EYS: variants seen among roughly 807,000 people sequenced by gnomAD.
EYS encodes the protein EGF-like photoreceptor maintenance factor.
In EYS, 250 loss-of-function variants were observed where a neutral mutation model predicts 282.1. The observed-to-expected ratio is 0.89, with a 90% confidence interval of 0.80 to 0.98. The LOEUF is 0.98. Among genes scored for constraint, EYS ranks in the 50% least tolerant of loss-of-function variants. The probability of loss-of-function intolerance (pLI) is 0.00; values close to 1 mark genes in which losing one functional copy is unlikely to be tolerated. For missense variants in EYS, 4,016 were observed against 3,709.0 expected (o/e 1.08, Z -2.15); for synonymous variants, 1,355 against 1,282.9 (o/e 1.06, Z -1.20).
intron 26 of EYS, among the ~76,000 whole-genome samples, chr6:64,560,723 T>C (rs934438333): frequency 1.3e-5 from 2 of 152,104 alleles, no homozygotes; most frequent in African/African-American, 4.8e-5. Flanking sequence ...AAAATAAAGT[T>C]TGTTATATAA....
In EYS at chr6:63,759,338, G is replaced by A. The variant is rs1426276588; in HGVS notation, c.8071+3123C>T. Among the ~76,000 whole-genome samples the A allele has an allele frequency of 3.9e-5, 6 of 152,168 alleles. No individual in the cohort carries two copies. The South Asian group carries it at 1.0e-3, about 26-fold the overall frequency. ...GTTAAGTTACTTGCCCAATGTCTAA[G>A]GTTAGAAATGGAAGTTGTGTCTGTT... is the stretch of plus-strand genomic sequence containing the variant. On this transcript the variant is annotated intron_variant, in intron 41 of 42. Transcript: ENST00000503581.
chr6:64,409,733 T>TTTTTGTTTTG (rs1773825671), intron 28 of EYS, among the ~76,000 whole-genome samples: 1 of 152,178 alleles, frequency 6.6e-6, no homozygotes, highest in Admixed American at 6.6e-5. Context: ...AGATACATGG[T>TTTTTGTTTTG]TTTTGTTCAG....
intron 29 of EYS, among the ~76,000 whole-genome samples, chr6:64,348,712 T>C (rs2150401730): frequency 6.6e-6 from 1 of 151,648 alleles, no homozygotes; most frequent in East Asian, 2.0e-4. Flanking sequence ...AGTTCCTTTA[T>C]ATTTTAGAAA....
chr6:65,032,420 G>C (rs573031993), intron 13 of EYS, among the ~76,000 whole-genome samples: 1 of 152,172 alleles, frequency 6.6e-6, no homozygotes, highest in Non-Finnish European at 1.5e-5. Flanking sequence ...GATCATGGGG[G>C]CAGGTCCCTC....
At chr6:65,092,776 C>T (rs1424460106) in intron 12 of EYS, among the ~76,000 whole-genome samples, 2 of 152,226 alleles carry the variant, frequency 1.3e-5, no homozygotes, top group African/African-American at 4.8e-5. Context: ...TGCAATTGTG[C>T]AGTCACAAGT....
In EYS at chr6:64,440,597, C is replaced by T. The variant is rs181761335; in HGVS notation, c.5645-1245G>A. Among the ~76,000 whole-genome samples the T allele has an allele frequency of 6.6e-5, 10 of 152,052 alleles. No individual in the cohort carries two copies. The East Asian group carries it at 1.2e-3, about 18-fold the overall frequency. On this transcript the variant is annotated intron_variant, in intron 26 of 42. Transcript: ENST00000503581. ...TTTTTCAGTTGTTAAATGATAGGGA[C>T]GTATTTTTTTTCCCCATGTAGCGTT...
intron 28 of EYS, among the ~76,000 whole-genome samples, chr6:64,397,650 T>C (rs1460682326): frequency 6.6e-6 from 1 of 151,974 alleles, no homozygotes; most frequent in Non-Finnish European, 1.5e-5. Context: ...TTTGGCTAAT[T>C]GTGTCCTTTC....
At chr6:64,742,609 A>G (rs973296416) in intron 22 of EYS, among the ~76,000 whole-genome samples, 1 of 152,206 alleles carries the variant, frequency 6.6e-6, no homozygotes, top group Non-Finnish European at 1.5e-5. Flanking sequence ...AGGAGGCAGT[A>G]GAAAAATTTG....
At chr6:64,575,735 C>G (rs1038911474) in intron 26 of EYS, among the ~76,000 whole-genome samples, 5 of 151,988 alleles carry the variant, frequency 3.3e-5, no homozygotes, top group African/African-American at 7.2e-5. Flanking sequence ...AAATTCAGGA[C>G]AAGCACCAAG....
chr6:64,776,181 C>T (rs139316462), intron 22 of EYS, among the ~76,000 whole-genome samples: 4 of 152,076 alleles, frequency 2.6e-5, no homozygotes, highest in Non-Finnish European at 1.5e-5. Flanking sequence ...AATTGACATA[C>T]TCGGTTGTTT....
chr6:63,732,651 T>A (rs1768810565), intron 41 of EYS, among the ~76,000 whole-genome samples: 1 of 152,216 alleles, frequency 6.6e-6, no homozygotes, highest in African/African-American at 2.4e-5. Flanking sequence ...TCCACATGTA[T>A]TCTGAAACCG....
intron 26 of EYS, among the ~76,000 whole-genome samples, chr6:64,542,037 T>C (rs931214787): frequency 6.6e-6 from 1 of 152,150 alleles, no homozygotes; most frequent in Admixed American, 6.5e-5. Context: ...GTATGATATA[T>C]ATTATTTTTG....
At chr6:65,673,986 A>T (rs1303878174) in intron 1 of EYS, among the ~76,000 whole-genome samples, 1 of 152,028 alleles carries the variant, frequency 6.6e-6, no homozygotes, top group East Asian at 1.9e-4. Flanking sequence ...ATAAAAATAA[A>T]CACACAGAAA....
chr6:65,485,127 A>T (rs915205104), intron 5 of EYS, among the ~76,000 whole-genome samples: 1 of 152,174 alleles, frequency 6.6e-6, no homozygotes, highest in African/African-American at 2.4e-5. Context: ...TATGTTTCAA[A>T]TTTGTTTCCC....
At chr6:65,632,549 T>A (rs1182231860) in intron 2 of EYS, among the ~76,000 whole-genome samples, 1 of 152,232 alleles carries the variant, frequency 6.6e-6, no homozygotes, top group Non-Finnish European at 1.5e-5. Context: ...CTCTATCATA[T>A]TCCAAATTTC....
At chr6:65,543,106 C>A (rs983665213) in intron 2 of EYS, among the ~76,000 whole-genome samples, 1 of 151,942 alleles carries the variant, frequency 6.6e-6, no homozygotes, top group Non-Finnish European at 1.5e-5. Flanking sequence ...GCAACATCTG[C>A]CCCCCAGGCT....
chr6:65,679,196 C>T (rs1052227556), intron 1 of EYS, among the ~76,000 whole-genome samples: 2 of 151,478 alleles, frequency 1.3e-5, no homozygotes, highest in African/African-American at 2.4e-5. Flanking sequence ...TGGAGAGATA[C>T]TTGCACTTTC....
intron 2 of EYS, among the ~76,000 whole-genome samples, chr6:65,567,825 G>T (rs1764330043): frequency 6.6e-6 from 1 of 151,994 alleles, no homozygotes; most frequent in South Asian, 2.1e-4. Flanking sequence ...GCTCCCTTAA[G>T]TGGGCCTCTC....
intron 26 of EYS, among the ~76,000 whole-genome samples, chr6:64,575,718 A>T (rs1765860489): frequency 6.6e-6 from 1 of 152,166 alleles, no homozygotes; most frequent in Non-Finnish European, 1.5e-5. Flanking sequence ...TATGGTACAT[A>T]GTATTAAAAT....
Sources: gnomAD v4.1 joint callset for allele counts (sites outside exome capture counted in the v4.1 genomes callset) on GRCh38, gnomAD v4.1.1 for gene constraint, MANE v1.5 for transcripts, NCBI Gene and HGNC (gene_info 2026-07-23, HGNC 2026-07-21) for gene names.